CDH18: variants seen among roughly 807,000 people sequenced by gnomAD.
CDH18 encodes the protein cadherin-18.
Under a neutral mutation model 67.9 loss-of-function variants are expected in CDH18, and 31 were observed. The observed-to-expected ratio is 0.46, with a 90% CI of 0.34 to 0.62. The LOEUF is 0.62. CDH18 is among the 20% of genes least tolerant of loss of function. The pLI, the probability that CDH18 is intolerant of heterozygous loss-of-function variation, is 0.01. For missense variants in CDH18, 890 were observed against 975.5 expected (o/e 0.91, Z 1.17); for synonymous variants, 362 against 347.2 (o/e 1.04, Z -0.48).
At chr5:20,351,272 A>G (rs1398714554) in intron 1 of CDH18, among the ~76,000 whole-genome samples, 1 of 148,944 alleles carries the variant, frequency 6.7e-6, no homozygotes, top group Non-Finnish European at 1.5e-5. Flanking sequence ...TTGTTCACTG[A>G]TACATCAAAT....
At chr5:20,353,978 AAGG>A (rs1741408472) in intron 1 of CDH18, among the ~76,000 whole-genome samples, 1 of 152,190 alleles carries the variant, frequency 6.6e-6, no homozygotes, top group Non-Finnish European at 1.5e-5. Context: ...CATTCTTTTT[AAGG>A]AGAAGCACGT....
intron 2 of CDH18, among the ~76,000 whole-genome samples, chr5:20,246,074 T>C (rs951058354): frequency 2.0e-5 from 3 of 152,142 alleles, no homozygotes; most frequent in Admixed American, 2.0e-4. Context: ...ATGGAAAATG[T>C]TATCTACAGA....
At chr5:19,868,796 C>T (rs1291180459) in intron 2 of CDH18, among the ~76,000 whole-genome samples, 1 of 152,158 alleles carries the variant, frequency 6.6e-6, no homozygotes, top group Non-Finnish European at 1.5e-5. Context: ...TACAACTCCC[C>T]ATTCAGCCAG....
chr5:19,717,837 A>G (rs1765522378), intron 5 of CDH18, among the ~76,000 whole-genome samples: 1 of 152,056 alleles, frequency 6.6e-6, no homozygotes, highest in Non-Finnish European at 1.5e-5. Flanking sequence ...CAGAAATAGC[A>G]TATGTATTTT....
chr5:20,437,574 A>G (rs1318397717), intron 1 of CDH18, among the ~76,000 whole-genome samples: 5 of 151,226 alleles, frequency 3.3e-5, no homozygotes, highest in Non-Finnish European at 4.4e-5. Flanking sequence ...GATATTTTCA[A>G]TTTCATCAAA....
chr5:19,576,032 G>A (rs952634701), intron 7 of CDH18, among the ~76,000 whole-genome samples: 8 of 152,060 alleles, frequency 5.3e-5, no homozygotes, highest in African/African-American at 1.4e-4. Context: ...CAAAGTACCC[G>A]TAGGGGCAGT....
chr5:20,509,686 T>C (rs1367228798), intron 1 of CDH18, among the ~76,000 whole-genome samples: 1 of 22,102 alleles, frequency 4.5e-5, no homozygotes, highest in African/African-American at 1.4e-4. Context: ...CCTAAAGTGC[T>C]GGGATTACAG....
intron 1 of CDH18, among the ~76,000 whole-genome samples, chr5:20,556,238 T>C (rs986912987): frequency 2.6e-5 from 4 of 152,196 alleles, no homozygotes; most frequent in African/African-American, 7.2e-5. Context: ...TGACAGGCTA[T>C]AGGCTAAAAT....
intron 1 of CDH18, among the ~76,000 whole-genome samples, chr5:20,298,903 A>T (rs977012418): frequency 6.6e-6 from 1 of 152,222 alleles, no homozygotes; most frequent in Non-Finnish European, 1.5e-5. Flanking sequence ...CATTTTTAGA[A>T]AGAGAACAAT....
At chr5:19,906,492 T>C (rs1057433436) in intron 2 of CDH18, among the ~76,000 whole-genome samples, 6 of 151,990 alleles carry the variant, frequency 3.9e-5, no homozygotes, top group African/African-American at 1.4e-4. Context: ...TTAACCTAAA[T>C]GTAACAATAT....
At chr5:20,366,876 G>A (rs1742564225) in intron 1 of CDH18, among the ~76,000 whole-genome samples, 1 of 152,106 alleles carries the variant, frequency 6.6e-6, no homozygotes. Flanking sequence ...GGATGATTGG[G>A]ACCCAAGGCA....
chr5:19,784,169 T>G (rs1498104), intron 3 of CDH18, among the ~76,000 whole-genome samples: 146,635 of 152,224 alleles, frequency 0.96, 70,855 homozygotes, highest in Middle Eastern at 1. Context: ...GTTTTTTAAA[T>G]ATTACAATAC....
intron 1 of CDH18, among the ~76,000 whole-genome samples, chr5:20,564,260 T>TTTTTTTTATTTATTTA (rs1554020092): frequency 6.4e-5 from 9 of 141,650 alleles, no homozygotes; most frequent in South Asian, 2.3e-4. Context: ...ATTATCACAG[T>TTTTTTTTATTTATTTA]TTTATTTATT....
intron 2 of CDH18, among the ~76,000 whole-genome samples, chr5:20,095,651 T>C (rs931417073): frequency 3.2e-4 from 48 of 151,538 alleles, no homozygotes; most frequent in African/African-American, 1.1e-3. Context: ...TCATGGCCTG[T>C]AAATTTTTTT....
rs1580322954 is a variant in CDH18 at position 20,135,871 on chromosome 5, A to C, written c.-518+119573T>G. Among the ~76,000 whole-genome samples the C allele has an allele frequency of 3.9e-5, 6 of 152,126 alleles. 2 individuals are homozygous for C. In the South Asian group the frequency reaches 1.2e-3, roughly 32 times the overall value. ...TGTACGTAGTAATCATTCAGGAGCA[A>C]GTTGTTCAGTTTCCATGTAGTTGTG... On this transcript the variant is annotated intron_variant, in intron 2 of 14. Coordinates refer to the CDH18 transcript ENST00000507958.
chr5:19,574,475 GA>G lies in CDH18; in HGVS notation c.1000-2644del, dbSNP rs201716604. Reference sequence around the variant, plus strand: ...ATATTTTAACAACCTCATTTGTGAAGAAAAGCTGGTGAGGCTGAATTGCCGG... The same window carrying G: ...ATATTTTAACAACCTCATTTGTGAAGAAAGCTGGTGAGGCTGAATTGCCGG... On this transcript the variant is annotated intron_variant, in intron 7 of 12. Coordinates refer to ENST00000382275, the MANE Select transcript of CDH18 (RefSeq NM_004934.5). 3.9e-4 allele frequency among the ~76,000 whole-genome samples: 59 copies of G among 152,228 alleles called. No individual in the cohort carries two copies. In the East Asian group the frequency reaches 0.011, roughly 29 times the overall value.
At chr5:19,534,757 T>C (rs1749162522) in intron 9 of CDH18, among the ~76,000 whole-genome samples, 1 of 151,934 alleles carries the variant, frequency 6.6e-6, no homozygotes, top group African/African-American at 2.4e-5. Flanking sequence ...TTTAACAAGG[T>C]TTTCCATATT....
chr5:20,060,538 T>C (rs1742377472), intron 2 of CDH18, among the ~76,000 whole-genome samples: 1 of 152,130 alleles, frequency 6.6e-6, no homozygotes, highest in South Asian at 2.1e-4. Flanking sequence ...GTTACACAAA[T>C]CTACTTGTTT....
intron 1 of CDH18, among the ~76,000 whole-genome samples, chr5:20,559,472 G>A (rs1207737792): frequency 6.6e-6 from 1 of 151,958 alleles, no homozygotes; most frequent in Non-Finnish European, 1.5e-5. Flanking sequence ...AAATAGTATG[G>A]TATATAATGT....
Sources: allele counts gnomAD v4.1 joint callset (sites outside exome capture counted in the v4.1 genomes callset), GRCh38; gene constraint gnomAD v4.1.1; transcripts MANE v1.5; gene names NCBI Gene and HGNC (gene_info 2026-07-23, HGNC 2026-07-21).